Variants in MAP3K21 observed in about 807,000 individuals in gnomAD.
The protein encoded by MAP3K21 is mitogen-activated protein kinase kinase kinase 21, also known as mitogen-activated protein kinase kinase kinase MLK4.
Under a neutral mutation model 86.1 loss-of-function variants are expected in MAP3K21, and 63 were observed. The observed-to-expected ratio is 0.73, with a 90% CI of 0.60 to 0.90. The LOEUF is 0.90. Among genes scored for constraint, MAP3K21 ranks in the 40% least tolerant of loss-of-function variants. The pLI is 0.00. For missense variants in MAP3K21, 1,220 were observed against 1,367.7 expected (o/e 0.89, Z 1.70); for synonymous variants, 558 against 564.8 (o/e 0.99, Z 0.17).
chr1:233,355,082 C>A, intron 4 of MAP3K21, 71 bp downstream of exon 4: 1 of 1,107,714 alleles, frequency 9.0e-7, no homozygotes, highest in Non-Finnish European at 1.3e-6. Context: ...AGGCAAGAAG[C>A]ACTGTTAGCA....
intron 5 of MAP3K21, among the ~76,000 whole-genome samples, chr1:233,365,378 T>C (rs1663554427): frequency 6.6e-6 from 1 of 152,192 alleles, no homozygotes; most frequent in Non-Finnish European, 1.5e-5. Flanking sequence ...CAACTATTCA[T>C]CTGACAAGGG....
chr1:233,355,746 T>A (rs1663340441), intron 4 of MAP3K21, among the ~76,000 whole-genome samples: 2 of 152,180 alleles, frequency 1.3e-5, no homozygotes, highest in African/African-American at 4.8e-5. Flanking sequence ...TTTGCAGTGT[T>A]CCTGTGGTCT....
chr1:233,352,754 G>A (rs966103307), intron 2 of MAP3K21, among the ~76,000 whole-genome samples: 4 of 152,158 alleles, frequency 2.6e-5, no homozygotes, highest in Non-Finnish European at 5.9e-5. Context: ...TGACAAGACA[G>A]TGTTACTTAT....
chr1:233,353,631 T>C (rs1663292041), intron 2 of MAP3K21, among the ~76,000 whole-genome samples, 176 bp from the exon 3 acceptor site: 1 of 152,220 alleles, frequency 6.6e-6, no homozygotes, highest in Non-Finnish European at 1.5e-5. Context: ...TGTGTTTGAA[T>C]TGTTGATGGG....
chr1:233,373,634 T>C (rs997611999), intron 6 of MAP3K21: 4 of 152,538 alleles, frequency 2.6e-5, no homozygotes, highest in African/African-American at 9.6e-5. Flanking sequence ...CTCATCTTCA[T>C]TGTGACCCTG....
Position 233,328,581 on chromosome 1 carries a change from G to C in MAP3K21, c.553G>C (p.Glu185Gln). The C allele has an allele frequency of 2.6e-6, 4 of 1,524,068 alleles. No homozygotes were observed. Among genetic ancestry groups the C allele is most frequent in the Non-Finnish European group, 3.5e-6 (4 of 1,146,242 alleles). 94.4% of individuals were successfully genotyped at this position (1,524,068 alleles called of 1,614,324 possible). Residue 185 changes from glutamate (E) to glutamine (Q), a missense_variant, in exon 1 of 10, where the codon GAG becomes CAG. By Grantham distance (29) the Glu-to-Gln change is conservative. This residue lies in a region of MAP3K21 where 369 missense variants were observed against 385.3 expected (regional missense o/e 0.96). Coordinates refer to ENST00000366624, the MANE Select transcript of MAP3K21 (RefSeq NM_032435.3). The surrounding 1 kb of genome is among the most constrained non-coding windows in gnomAD (Gnocchi z 8.7). ...FAMLRHPNII[E>Q]LRGVCLQQPH... ...CATGCTGCGGCACCCCAACATCATCGAGCTGCGCGGCGTGTGCCTGCAGCA... is the reference window on the plus strand; with the variant it reads ...CATGCTGCGGCACCCCAACATCATCCAGCTGCGCGGCGTGTGCCTGCAGCA...
chr1:233,358,850 C>T (rs748285713), intron 4 of MAP3K21, among the ~76,000 whole-genome samples: 18 of 152,038 alleles, frequency 1.2e-4, no homozygotes, highest in Non-Finnish European at 2.2e-4. Flanking sequence ...CACTCTGTTA[C>T]CCAGGTTGCA....
chr1:233,344,990 A>G (rs1460003766), intron 1 of MAP3K21, among the ~76,000 whole-genome samples: 1 of 152,200 alleles, frequency 6.6e-6, no homozygotes, highest in African/African-American at 2.4e-5. Flanking sequence ...AATGCTTATC[A>G]CTACTGGTCA....
intron 5 of MAP3K21, among the ~76,000 whole-genome samples, chr1:233,364,802 G>C (rs114162300): frequency 0.02 from 3,053 of 152,090 alleles, 105 homozygotes; most frequent in African/African-American, 0.069. Context: ...ACATAACCAA[G>C]AAATCTACTG....
rs745862449 is a variant in MAP3K21 at position 233,376,110 on chromosome 1, A to G, written c.1826+44A>G. 11 of 1,512,300 alleles carry G rather than the reference A, an allele frequency of 7.3e-6. No homozygotes were observed. The South Asian group carries it at 8.6e-5, about 12-fold the overall frequency. The allele number at this position is 1,512,300 out of a possible 1,614,324, so 93.7% of individuals were successfully genotyped here. ...GTGGTATTCATTGTGTAATATGACA[A>G]ATCCATTCCTGTGTTAATATCACAT... is the stretch of plus-strand genomic sequence containing the variant. On this transcript the variant is annotated intron_variant, in intron 7 of 9. Coordinates refer to ENST00000366624, the MANE Select transcript of MAP3K21 (RefSeq NM_032435.3).
chr1:233,382,598 C>T lies in MAP3K21; in HGVS notation c.2998C>T (p.Leu1000=). The change falls in exon 10 of 10, where the codon CTG becomes TTG. Residue 1000 remains leucine, a synonymous_variant. Coordinates refer to ENST00000366624, the MANE Select transcript of MAP3K21 (RefSeq NM_032435.3). ...ERTKSHVPSL[L]DADVEGQSRD... ...AACTAAATCCCATGTGCCTTCATTA[C>T]TGGATGCTGACGTGGAAGGTCAGAG... 1.2e-6 allele frequency: 2 copies of T among 1,614,202 alleles called. No individual in the cohort carries two copies. Among genetic ancestry groups the T allele is most frequent in the East Asian group, 2.2e-5 (1 of 44,884 alleles).
In MAP3K21 at chr1:233,379,094, T is replaced by C; in HGVS notation, c.2088T>C (p.Asn696=). The change falls in exon 9 of 10, where the codon AAT becomes AAC. Residue 696 remains asparagine (N), a synonymous_variant. Coordinates refer to ENST00000366624, the MANE Select transcript of MAP3K21 (RefSeq NM_032435.3). ...GCTGGGAGGAGGCAGCCTCTGCGAA[T>C]GCTGCCACAGTCTCCATTGAGATGA... ...AESWEEAASA[N]AATVSIEMTP... The C allele has an allele frequency of 6.2e-7, 1 of 1,614,206 alleles. No homozygotes were observed. The highest frequency in any genetic ancestry group is 8.5e-7 in the Non-Finnish European group (1 of 1,180,026).
intron 1 of MAP3K21, among the ~76,000 whole-genome samples, chr1:233,332,938 T>C (rs1662837966): frequency 6.6e-6 from 1 of 152,174 alleles, no homozygotes; most frequent in Non-Finnish European, 1.5e-5. Flanking sequence ...GATTAAGCAT[T>C]TATTATCTCA....
At position 233,383,442 on chromosome 1, in the gene MAP3K21, T is replaced by G. The variant is rs1663957472; in HGVS notation, c.*731T>G. On this transcript the variant is annotated 3_prime_UTR_variant, in exon 10 of 10. Transcript: ENST00000366624. ...TTATTCATTAGAACTCCAAAATAGATGTTCAAAGTTCAGTCCTTGCCATTT... is the reference window on the plus strand; with the variant it reads ...TTATTCATTAGAACTCCAAAATAGAGGTTCAAAGTTCAGTCCTTGCCATTT... 1 of 127,602 alleles carries G rather than the reference T, an allele frequency of 7.8e-6. No homozygotes were observed. The allele number at this position is 127,602 out of a possible 1,614,324, so 7.9% of individuals were successfully genotyped here. A position where few individuals can be genotyped will look rare whatever the true frequency, so the allele number is the denominator to read the frequency against.
intron 2 of MAP3K21, among the ~76,000 whole-genome samples, chr1:233,349,931 G>A (rs551004166): frequency 1.3e-5 from 2 of 150,496 alleles, no homozygotes; most frequent in South Asian, 4.2e-4. Context: ...GCAAGACTCT[G>A]TCTCAAAAAA....
chr1:233,350,201 C>T (rs76743248), intron 2 of MAP3K21, among the ~76,000 whole-genome samples: 3,099 of 152,098 alleles, frequency 0.02, 106 homozygotes, highest in African/African-American at 0.071. Context: ...GTGTAAATGG[C>T]TGTCGTTCTG....
At chr1:233,359,806 T>C (rs563601346) in intron 4 of MAP3K21, among the ~76,000 whole-genome samples, 1 of 152,364 alleles carries the variant, frequency 6.6e-6, no homozygotes, top group South Asian at 2.1e-4. Flanking sequence ...AAGAATGTTT[T>C]TGTGCTTCAT....
At chr1:233,357,607 A>G (rs1329192958) in intron 4 of MAP3K21, among the ~76,000 whole-genome samples, 1 of 152,130 alleles carries the variant, frequency 6.6e-6, no homozygotes, top group Non-Finnish European at 1.5e-5. Context: ...GTTCTGCTCA[A>G]ACCCATGGAG....
chr1:233,378,998 G>T lies in MAP3K21; in HGVS notation c.1992G>T (p.Leu664Phe), dbSNP rs770977397. 1 of 1,614,094 alleles carries T rather than the reference G, an allele frequency of 6.2e-7. No homozygotes were observed. Among genetic ancestry groups the T allele is most frequent in the Non-Finnish European group, 8.5e-7 (1 of 1,179,994 alleles). The change falls in exon 9 of 10, where the codon TTG becomes TTT. Residue 664 changes from leucine to phenylalanine, a missense_variant. Coordinates refer to ENST00000366624, the MANE Select transcript of MAP3K21 (RefSeq NM_032435.3). ...ACAGAAAACCAAAACAAATAAAATTGCCTAGTCAGGCCTACATTGATCTAC... is the reference window on the plus strand; with the variant it reads ...ACAGAAAACCAAAACAAATAAAATTTCCTAGTCAGGCCTACATTGATCTAC... ...LEHRKPKQIKLPSQAYIDLPL... is the reference protein window; with the variant it reads ...LEHRKPKQIKFPSQAYIDLPL...
Sources: gnomAD v4.1 joint callset for allele counts (sites outside exome capture counted in the v4.1 genomes callset) on GRCh38, gnomAD v4.1.1 for gene constraint, gnomAD v4.1.1 regional missense constraint, Gnocchi (gnomAD v3.1) non-coding constraint, MANE v1.5 for transcripts, NCBI Gene and HGNC (gene_info 2026-07-23, HGNC 2026-07-21) for gene names.